The following DPF3 variants were observed in gnomAD, a reference collection of about 807,000 sequenced individuals.
DPF3 encodes the protein double PHD fingers 3.
A neutral mutation model predicts 56.8 loss-of-function variants in DPF3; 18 were observed. The ratio of observed to expected loss-of-function variants is 0.32; its 90% CI spans 0.22 to 0.47. The LOEUF (loss-of-function observed/expected upper bound fraction) is 0.47. Among genes scored for constraint, DPF3 ranks in the 20% least tolerant of loss-of-function variants. DPF3 has a pLI of 1.00. For missense variants in DPF3, 403 were observed against 488.8 expected (o/e 0.82, Z 1.65); for synonymous variants, 188 against 180.2 (o/e 1.04, Z -0.35).
intron 6 of DPF3, among the ~76,000 whole-genome samples, chr14:72,697,026 G>A (rs1232670088): frequency 6.6e-6 from 1 of 150,988 alleles, no homozygotes; most frequent in African/African-American, 2.5e-5. Flanking sequence ...AGCAGGCAGG[G>A]GCAGGATAGG....
At chr14:72,861,232 A>G (rs977418508) in intron 1 of DPF3, among the ~76,000 whole-genome samples, 13 of 152,022 alleles carry the variant, frequency 8.6e-5, no homozygotes, top group Non-Finnish European at 1.8e-4. Context: ...CTCAATGATT[A>G]CCGTTTTTAT....
At chr14:72,829,461 T>A (rs1883958217) in intron 1 of DPF3, among the ~76,000 whole-genome samples, 1 of 152,150 alleles carries the variant, frequency 6.6e-6, no homozygotes, top group Admixed American at 6.5e-5. Context: ...CTCGGCTCAC[T>A]GCAACCTCTG....
intron 1 of DPF3, among the ~76,000 whole-genome samples, chr14:72,850,259 C>G (rs1884922115): frequency 6.6e-6 from 1 of 152,138 alleles, no homozygotes; most frequent in East Asian, 1.9e-4. Flanking sequence ...ATGTGAACAT[C>G]CTCCCTGGAA....
chr14:72,785,115 C>T (rs545759953), intron 1 of DPF3, among the ~76,000 whole-genome samples: 6 of 151,938 alleles, frequency 3.9e-5, no homozygotes, highest in South Asian at 2.1e-4. Context: ...GTGAGATCCC[C>T]GTCTCTACAA....
In DPF3 at chr14:72,727,950, C is replaced by T. The variant is rs78513168; in HGVS notation, c.429+3857G>A. On this transcript the variant is annotated intron_variant, in intron 4 of 10. Coordinates refer to ENST00000556509, the MANE Select transcript of DPF3 (RefSeq NM_001280542.3). ...TAGCACAGTAGACAGCAGACCCATG[C>T]GCTGCACTCAGCAGACCTTCAGTTT... Among the ~76,000 whole-genome samples, 590 of 152,282 alleles carry T rather than the reference C, an allele frequency of 3.9e-3. 33 individuals are homozygous for T. The East Asian group carries it at 0.1, about 26-fold the overall frequency.
intron 1 of DPF3, among the ~76,000 whole-genome samples, chr14:72,842,270 A>G (rs1458520371): frequency 6.6e-6 from 1 of 152,168 alleles, no homozygotes; most frequent in Non-Finnish European, 1.5e-5. Context: ...TCCAAAAGAC[A>G]AGTACCAGCA....
rs529816274 is a variant in DPF3 at position 72,611,291 on chromosome 14, G to A, written c.*8006C>T. On this transcript the variant is annotated 3_prime_UTR_variant, in exon 11 of 11. Transcript: ENST00000556509. ...GGAGAAAAGGAAAGATGAAACAAACGGTTTATTCCTAATGCTGTCAACACA... is the reference window on the plus strand; with the variant it reads ...GGAGAAAAGGAAAGATGAAACAAACAGTTTATTCCTAATGCTGTCAACACA... Among the ~76,000 whole-genome samples, 12 of 152,296 alleles carry A rather than the reference G, an allele frequency of 7.9e-5. No homozygotes were observed. In the South Asian group the frequency reaches 1.5e-3, roughly 18 times the overall value.
intron 1 of DPF3, among the ~76,000 whole-genome samples, chr14:72,798,766 T>C (rs1284924645): frequency 1.3e-5 from 2 of 152,204 alleles, no homozygotes; most frequent in African/African-American, 2.4e-5. Context: ...GGGCCAAGTC[T>C]TGAGATCAGT....
intron 1 of DPF3, among the ~76,000 whole-genome samples, chr14:72,887,079 G>A (rs1016207485): frequency 1.4e-4 from 22 of 151,784 alleles, no homozygotes; most frequent in African/African-American, 5.3e-4. Flanking sequence ...AGAGGAGAAG[G>A]CCAGAGAGAT....
intron 1 of DPF3, among the ~76,000 whole-genome samples, chr14:72,884,981 G>A (rs114623703): frequency 0.11 from 4,013 of 36,754 alleles, 306 homozygotes; most frequent in African/African-American, 0.2. Context: ...TTAGCCGGGC[G>A]TAAGGCGGGC....
chr14:72,670,820 C>G, intron 8 of DPF3: 1 of 1,120,188 alleles, frequency 8.9e-7, no homozygotes, highest in Non-Finnish European at 1.1e-6. Context: ...AAGACCCCCT[C>G]CCCTCAGAAA....
intron 5 of DPF3, among the ~76,000 whole-genome samples, chr14:72,715,884 C>T (rs1888901081): frequency 6.6e-6 from 1 of 150,808 alleles, no homozygotes; most frequent in African/African-American, 2.4e-5. Flanking sequence ...AGCCCTCCTC[C>T]CCTCGCCCTC....
intron 1 of DPF3, among the ~76,000 whole-genome samples, chr14:72,830,407 A>G (rs2050584628): frequency 6.6e-6 from 1 of 152,238 alleles, no homozygotes; most frequent in African/African-American, 2.4e-5. Context: ...GACTGCCACC[A>G]GTCCATAAAC....
intron 8 of DPF3, among the ~76,000 whole-genome samples, chr14:72,665,228 G>A (rs964155703): frequency 1.3e-5 from 2 of 152,146 alleles, no homozygotes; most frequent in African/African-American, 4.8e-5. Flanking sequence ...TTTCTAGTCT[G>A]ATCCACTAGG....
At chr14:72,883,730 C>T (rs891356345) in intron 1 of DPF3, among the ~76,000 whole-genome samples, 1 of 152,060 alleles carries the variant, frequency 6.6e-6, no homozygotes, top group Non-Finnish European at 1.5e-5. Flanking sequence ...GAGATCGAGA[C>T]CAGCCTGGCC....
intron 8 of DPF3, chr14:72,661,689 A>C: frequency 2.0e-6 from 2 of 985,304 alleles, no homozygotes; most frequent in Non-Finnish European, 2.4e-6. Context: ...CCAGCAACTG[A>C]ATTTGAGGTT....
At position 72,632,231 on chromosome 14, in the gene DPF3, G is replaced by A. The variant is rs995151619; in HGVS notation, c.872-2495C>T. On this transcript the variant is annotated intron_variant, in intron 8 of 10. Transcript: ENST00000556509. ...GCATGAGTGCTATTGGGATGAAGTGGTTCTGTATCTTGATTGTGGTGGTTA... is the reference window on the plus strand; with the variant it reads ...GCATGAGTGCTATTGGGATGAAGTGATTCTGTATCTTGATTGTGGTGGTTA... 2.6e-4 allele frequency among the ~76,000 whole-genome samples: 40 copies of A among 152,206 alleles called. 1 individual carries two copies. The highest frequency in any genetic ancestry group is 9.4e-4 in the African/African-American group (39 of 41,446).
intron 8 of DPF3, among the ~76,000 whole-genome samples, chr14:72,658,103 G>T (rs978449969): frequency 6.6e-6 from 1 of 152,188 alleles, no homozygotes; most frequent in South Asian, 2.1e-4. Flanking sequence ...TAGGGTGACT[G>T]TAGTCAGTGG....
intron 1 of DPF3, among the ~76,000 whole-genome samples, chr14:72,772,182 G>A (rs1891564275): frequency 6.6e-6 from 1 of 152,204 alleles, no homozygotes; most frequent in African/African-American, 2.4e-5. Context: ...AGCTGTCCAT[G>A]TTCTAGGAAG....
Sources: gnomAD v4.1 joint callset for allele counts (sites outside exome capture counted in the v4.1 genomes callset) on GRCh38, gnomAD v4.1.1 for gene constraint, MANE v1.5 for transcripts, NCBI Gene and HGNC (gene_info 2026-07-23, HGNC 2026-07-21) for gene names.